Variants in GABRB1 observed in about 807,000 individuals in gnomAD.
GABRB1 encodes gamma-aminobutyric acid receptor subunit beta-1.
A neutral mutation model predicts 51.6 loss-of-function variants in GABRB1; 17 were observed. The ratio of observed to expected loss-of-function variants is 0.33; its 90% confidence interval spans 0.23 to 0.49. The LOEUF (loss-of-function observed/expected upper bound fraction) is 0.49, where lower values mean the gene tolerates loss of function less well. Among genes scored for constraint, GABRB1 ranks in the 20% least tolerant of loss-of-function variants. The pLI is 0.99. For synonymous variants in GABRB1, 247 were observed against 218.9 expected (o/e 1.13, Z -1.14); for missense variants, 410 against 600.6 (o/e 0.68, Z 3.32).
At chr4:47,327,536 C>T (rs893768117) in intron 5 of GABRB1, among the ~76,000 whole-genome samples, 12 of 152,182 alleles carry the variant, frequency 7.9e-5, no homozygotes, top group African/African-American at 2.9e-4. Context: ...GTTCTTCCTA[C>T]TTACACTATG....
chr4:47,031,949 A>G lies in GABRB1; in HGVS notation c.116A>G (p.Glu39Gly), dbSNP rs1286137651. The G allele has an allele frequency of 3.7e-6, 6 of 1,614,002 alleles. No homozygotes were observed. The highest frequency in any genetic ancestry group is 4.2e-6 in the Non-Finnish European group (5 of 1,179,994). Reference protein sequence around the residue: ...NEPSNMSYVKETVDRLLKGYD... With the variant: ...NEPSNMSYVKGTVDRLLKGYD... Reference sequence around the variant, plus strand: ...CCCAGCAACATGTCATACGTGAAAGAGACAGTGGACAGATTGCTCAAAGGA... The same window carrying G: ...CCCAGCAACATGTCATACGTGAAAGGGACAGTGGACAGATTGCTCAAAGGA... Residue 39 changes from glutamate (E) to glycine (G), a missense_variant, in exon 2 of 9, where the codon GAG becomes GGG. Transcript: ENST00000295454.
At chr4:47,189,023 T>G (rs187599342) in intron 4 of GABRB1, among the ~76,000 whole-genome samples, 1 of 151,978 alleles carries the variant, frequency 6.6e-6, no homozygotes, top group Non-Finnish European at 1.5e-5. Context: ...GGGAAAGAAA[T>G]AACTGCAGTT....
At chr4:47,271,378 G>A (rs1560307831) in intron 4 of GABRB1, among the ~76,000 whole-genome samples, 1 of 152,070 alleles carries the variant, frequency 6.6e-6, no homozygotes, top group Non-Finnish European at 1.5e-5. Context: ...TTCCAAGACT[G>A]ACATCATGAG....
chr4:47,366,225 T>C (rs1298812086), intron 5 of GABRB1, among the ~76,000 whole-genome samples: 2 of 152,292 alleles, frequency 1.3e-5, no homozygotes, highest in African/African-American at 4.8e-5. Flanking sequence ...TATTGAACCA[T>C]TTTCCCAAGA....
intron 5 of GABRB1, among the ~76,000 whole-genome samples, chr4:47,362,373 C>T (rs1578122998): frequency 6.6e-6 from 1 of 151,822 alleles, no homozygotes; most frequent in African/African-American, 2.4e-5. Context: ...AGAGTGGCAG[C>T]AAGAGAGAAA....
At chr4:47,106,905 C>T (rs545912684) in intron 3 of GABRB1, among the ~76,000 whole-genome samples, 1 of 152,198 alleles carries the variant, frequency 6.6e-6, no homozygotes, top group Non-Finnish European at 1.5e-5. Context: ...TTCTGAACAG[C>T]CTTTGTTCTA....
chr4:47,012,210 T>C (rs1235297377), intron 1 of GABRB1, among the ~76,000 whole-genome samples: 1 of 152,186 alleles, frequency 6.6e-6, no homozygotes, highest in African/African-American at 2.4e-5. Context: ...AATTGATGTT[T>C]TTAAATTCAG....
At chr4:47,005,510 A>G (rs1724361270) in intron 1 of GABRB1, among the ~76,000 whole-genome samples, 1 of 152,018 alleles carries the variant, frequency 6.6e-6, no homozygotes. Context: ...AAATGCAGCA[A>G]ACCTGTGGTT....
intron 3 of GABRB1, among the ~76,000 whole-genome samples, chr4:47,123,302 A>C (rs1715870586): frequency 7.2e-6 from 1 of 138,726 alleles, no homozygotes; most frequent in Non-Finnish European, 1.5e-5. Flanking sequence ...TATATATAAT[A>C]TGTATTATAT....
intron 4 of GABRB1, among the ~76,000 whole-genome samples, chr4:47,234,471 G>C (rs1354957412): frequency 5.4e-5 from 8 of 148,314 alleles, no homozygotes; most frequent in Non-Finnish European, 1.2e-4. Flanking sequence ...TGGGCAACAA[G>C]AGCAAAACTC....
intron 2 of GABRB1, among the ~76,000 whole-genome samples, 198 bp from the exon 3 acceptor site, chr4:47,032,219 C>T (rs969053906): frequency 6.6e-6 from 1 of 151,998 alleles, no homozygotes; most frequent in Non-Finnish European, 1.5e-5. Context: ...TTCTCCCGGG[C>T]CGACACACCC....
intron 4 of GABRB1, among the ~76,000 whole-genome samples, chr4:47,192,783 T>C (rs1719492491): frequency 6.6e-6 from 1 of 152,226 alleles, no homozygotes; most frequent in Admixed American, 6.5e-5. Context: ...ATCAAGTGAC[T>C]GTGTGAATAT....
intron 3 of GABRB1, among the ~76,000 whole-genome samples, chr4:47,092,665 C>A (rs1029135957): frequency 6.7e-6 from 1 of 150,340 alleles, no homozygotes; most frequent in South Asian, 2.1e-4. Context: ...AGTGCAGTGG[C>A]GCTCTCTTGG....
chr4:47,021,450 A>G (rs1196847049), intron 1 of GABRB1, among the ~76,000 whole-genome samples: 7 of 152,186 alleles, frequency 4.6e-5, no homozygotes, highest in Non-Finnish European at 1.0e-4. Flanking sequence ...CTAAACTACT[A>G]GGAATAGAGG....
intron 5 of GABRB1, among the ~76,000 whole-genome samples, chr4:47,398,846 A>C (rs1203185399): frequency 2.6e-5 from 4 of 152,020 alleles, no homozygotes; most frequent in Non-Finnish European, 5.9e-5. Flanking sequence ...GCTGGAGTGC[A>C]GTGGCGCTAT....
intron 4 of GABRB1, among the ~76,000 whole-genome samples, chr4:47,226,931 G>A (rs1720962608): frequency 6.6e-6 from 1 of 152,138 alleles, no homozygotes; most frequent in Non-Finnish European, 1.5e-5. Flanking sequence ...AAAGTGATAT[G>A]GAGTGAATAA....
chr4:47,185,579 T>C (rs10016453), intron 4 of GABRB1, among the ~76,000 whole-genome samples: 3,169 of 151,868 alleles, frequency 0.021, 94 homozygotes, highest in African/African-American at 0.072. Context: ...AATGGTATGG[T>C]GTATTATCAA....
chr4:47,176,669 G>C (rs570568132), intron 4 of GABRB1, among the ~76,000 whole-genome samples: 1 of 152,160 alleles, frequency 6.6e-6, no homozygotes, highest in Admixed American at 6.5e-5. Context: ...AGAGAGCATA[G>C]ATAAAATGGA....
At chr4:47,218,384 C>T (rs935419229) in intron 4 of GABRB1, among the ~76,000 whole-genome samples, 3 of 151,764 alleles carry the variant, frequency 2.0e-5, no homozygotes, top group African/African-American at 4.8e-5. Flanking sequence ...TATAGTTGTT[C>T]TATTTTTAGT....
Sources: allele counts gnomAD v4.1 joint callset (sites outside exome capture counted in the v4.1 genomes callset), GRCh38; gene constraint gnomAD v4.1.1; transcripts MANE v1.5; gene names NCBI Gene and HGNC (gene_info 2026-07-23, HGNC 2026-07-21).